Variants in SETD3 observed in about 807,000 individuals in gnomAD.
The protein encoded by SETD3 is SET domain containing 3, actin N3(tau)-histidine methyltransferase.
A neutral mutation model predicts 63.0 loss-of-function variants in SETD3; 19 were observed. The ratio of observed to expected loss-of-function variants is 0.30; its 90% CI spans 0.21 to 0.44. SETD3 has a LOEUF of 0.44. SETD3 is among the 20% of genes least tolerant of loss of function. The probability of loss-of-function intolerance (pLI) is 1.00; values close to 1 mark genes in which losing one functional copy is unlikely to be tolerated. For synonymous variants in SETD3, 286 were observed against 264.1 expected (o/e 1.08, Z -0.80); for missense variants, 587 against 728.5 (o/e 0.81, Z 2.24).
At chr14:99,415,233 C>T (rs780059665) in intron 6 of SETD3, among the ~76,000 whole-genome samples, 3 of 152,068 alleles carry the variant, frequency 2.0e-5, no homozygotes, top group African/African-American at 7.2e-5. Flanking sequence ...GTTATTTTTA[C>T]GTATTTTAAT....
chr14:99,398,569 A>G lies in SETD3; in HGVS notation c.*110T>C. 2 of 1,061,230 alleles carry G rather than the reference A, an allele frequency of 1.9e-6. No homozygotes were observed. The highest frequency in any genetic ancestry group is 1.4e-6 in the Non-Finnish European group (1 of 734,898). The allele number at this position is 1,061,230 out of a possible 1,614,324, so 65.7% of individuals were successfully genotyped here. A position where few individuals can be genotyped will look rare whatever the true frequency, so the allele number is the denominator to read the frequency against. On this transcript the variant is annotated 3_prime_UTR_variant, in exon 13 of 13. Coordinates refer to ENST00000331768, the MANE Select transcript of SETD3 (RefSeq NM_032233.3). ...CATTTTTATATAAAGCAGCAAAAAC[A>G]TATCTTCCTCTCTGCAGAAAGAAAA... is the stretch of plus-strand genomic sequence containing the variant.
intron 6 of SETD3, among the ~76,000 whole-genome samples, chr14:99,435,611 C>T (rs1893434657): frequency 6.6e-6 from 1 of 152,174 alleles, no homozygotes; most frequent in South Asian, 2.1e-4. Flanking sequence ...CCCTAAAGGG[C>T]CATGACAGGA....
At chr14:99,472,457 C>T (rs191763741) in intron 1 of SETD3, among the ~76,000 whole-genome samples, 1 of 152,116 alleles carries the variant, frequency 6.6e-6, no homozygotes, top group Admixed American at 6.5e-5. Context: ...TGTTATATAC[C>T]GTGAATAATT....
At position 99,399,061 on chromosome 14, in the gene SETD3, C is replaced by A; in HGVS notation, c.1403G>T (p.Arg468Leu). 6.2e-7 allele frequency: 1 copy of A among 1,614,148 alleles called. No homozygotes were observed. Among genetic ancestry groups the A allele is most frequent in the Non-Finnish European group, 8.5e-7 (1 of 1,180,032 alleles). ...SVRAKMAIKL[R>L]LGEKEILEKA... ...TTCCAAAATCTCTTTCTCACCTAAG[C>A]GCAATTTGATGGCCATTTTTGCACG... Residue 468 changes from arginine to leucine, a missense_variant, in exon 13 of 13, where the codon CGC (arginine) becomes CTC (leucine). Coordinates refer to ENST00000331768, the MANE Select transcript of SETD3 (RefSeq NM_032233.3).
chr14:99,444,716 T>C (rs1487446125), intron 6 of SETD3, among the ~76,000 whole-genome samples: 2 of 151,686 alleles, frequency 1.3e-5, no homozygotes, highest in Non-Finnish European at 2.9e-5. Context: ...AAAAATTAGC[T>C]GGGCATGGTG....
intron 11 of SETD3, among the ~76,000 whole-genome samples, chr14:99,403,455 A>ACACTCTCTCTCTCTCTCTCTCTCT (rs1416541957): frequency 1.5e-5 from 2 of 135,540 alleles, no homozygotes; most frequent in South Asian, 2.3e-4. Flanking sequence ...ACACACACAC[A>ACACTCTCTCTCTCTCTCTCTCTCT]CTCTCTCTCT....
At chr14:99,441,757 A>T (rs1595212149) in intron 6 of SETD3, among the ~76,000 whole-genome samples, 1 of 152,230 alleles carries the variant, frequency 6.6e-6, no homozygotes, top group Admixed American at 6.5e-5. Context: ...CAGCAGGGGC[A>T]GGGCCATCTG....
chr14:99,461,008 A>G (rs1433797095), intron 4 of SETD3, among the ~76,000 whole-genome samples, 184 bp downstream of exon 4: 1 of 152,178 alleles, frequency 6.6e-6, no homozygotes, highest in African/African-American at 2.4e-5. Context: ...TTGGCTCCCC[A>G]GGAGGATAAG....
chr14:99,457,009 A>G (rs1030285026), intron 6 of SETD3, among the ~76,000 whole-genome samples: 6 of 152,336 alleles, frequency 3.9e-5, no homozygotes, highest in African/African-American at 1.4e-4. Context: ...AGAAAATGAC[A>G]AATACTTAGA....
chr14:99,430,835 A>T (rs545815187), intron 6 of SETD3, among the ~76,000 whole-genome samples: 13 of 152,366 alleles, frequency 8.5e-5, no homozygotes, highest in African/African-American at 3.1e-4. Context: ...ATATTCCAGG[A>T]CAAACCTCAC....
chr14:99,431,101 C>T (rs1430864287), intron 6 of SETD3, among the ~76,000 whole-genome samples: 1 of 152,244 alleles, frequency 6.6e-6, no homozygotes, highest in Admixed American at 6.5e-5. Flanking sequence ...CCAGAAAGTA[C>T]AGGAGATTCC....
chr14:99,437,551 G>A (rs774716897), intron 6 of SETD3, among the ~76,000 whole-genome samples: 26 of 152,132 alleles, frequency 1.7e-4, no homozygotes, highest in Non-Finnish European at 2.9e-4. Flanking sequence ...AGCACCTAAC[G>A]ACGTTCTTCA....
chr14:99,407,023 T>C (rs987332039), intron 8 of SETD3, among the ~76,000 whole-genome samples: 2 of 152,190 alleles, frequency 1.3e-5, no homozygotes, highest in Non-Finnish European at 2.9e-5. Context: ...TGTTTGGCCA[T>C]TAAGAAATCC....
Position 99,406,600 on chromosome 14 carries a change from G to A in SETD3, c.850-10C>T, listed in dbSNP as rs761109684. 2.4e-5 allele frequency: 39 copies of A among 1,613,384 alleles called. No individual in the cohort carries two copies. Among genetic ancestry groups the A allele is most frequent in the Non-Finnish European group, 3.3e-5 (39 of 1,179,328 alleles). Reference sequence around the variant, plus strand: ...TGTAACCAGTAGTGATCTAGCCCGGGGAGGAGGAAGGAAATGATGGTGAGG... The same window carrying A: ...TGTAACCAGTAGTGATCTAGCCCGGAGAGGAGGAAGGAAATGATGGTGAGG... On this transcript the variant is annotated splice_polypyrimidine_tract_variant and intron_variant, in intron 8 of 12. Transcript: ENST00000331768.
At chr14:99,481,362 G>T, upstream of SETD3, 1 of 398,626 alleles carries the variant, frequency 2.5e-6, no homozygotes, top group South Asian at 1.3e-4. Context: ...CCGCCCCTCC[G>T]GTCGCTTGGT....
In SETD3 at chr14:99,407,852, G is replaced by A. The variant is rs915770293; in HGVS notation, c.850-1262C>T. 7.9e-5 allele frequency among the ~76,000 whole-genome samples: 12 copies of A among 152,178 alleles called. 1 individual carries two copies. Among genetic ancestry groups the A allele is most frequent in the Middle Eastern group, 3.4e-3 (1 of 294 alleles). On this transcript the variant is annotated intron_variant, in intron 8 of 12. Transcript: ENST00000331768. ...AGCCCCTTGTTGATCTCTGTGTCCC[G>A]AGTGCTCAGCACACAGAACCTAAAA... is the stretch of plus-strand genomic sequence containing the variant.
intron 6 of SETD3, among the ~76,000 whole-genome samples, chr14:99,450,253 C>G (rs1894384005): frequency 6.6e-6 from 1 of 152,202 alleles, no homozygotes; most frequent in African/African-American, 2.4e-5. Flanking sequence ...TAATTTGGTA[C>G]ACATTCCTGA....
intron 6 of SETD3, among the ~76,000 whole-genome samples, chr14:99,454,008 T>C (rs901651784): frequency 7.2e-5 from 11 of 152,322 alleles, no homozygotes; most frequent in South Asian, 6.2e-4. Flanking sequence ...CTTTTCACAC[T>C]GGAGCGTGAG....
chr14:99,426,877 C>T (rs1231370022), intron 6 of SETD3, among the ~76,000 whole-genome samples: 2 of 152,164 alleles, frequency 1.3e-5, no homozygotes, highest in East Asian at 1.9e-4. Context: ...ACTTACACCT[C>T]GCTCGGCCAA....
Sources: allele counts gnomAD v4.1 joint callset (sites outside exome capture counted in the v4.1 genomes callset), GRCh38; gene constraint gnomAD v4.1.1; transcripts MANE v1.5; gene names NCBI Gene and HGNC (gene_info 2026-07-23, HGNC 2026-07-21).